The following SGCZ variants were observed in gnomAD, a reference collection of about 807,000 sequenced individuals.
The protein encoded by SGCZ is zeta-sarcoglycan.
A neutral mutation model predicts 41.3 loss-of-function variants in SGCZ; 40 were observed. That is an observed-to-expected ratio of 0.97 (90% CI 0.75 to 1.26). The LOEUF (loss-of-function observed/expected upper bound fraction) is 1.26, where lower values mean the gene tolerates loss of function less well. SGCZ is among the 50% of genes most tolerant of loss of function. SGCZ has a pLI of 0.00. For synonymous variants in SGCZ, 206 were observed against 137.5 expected, an observed-to-expected ratio of 1.50 and a Z score of -3.49; for missense variants, 552 against 369.8, an observed-to-expected ratio of 1.49 and a Z score of -4.04.
chr8:14,435,423 TA>T (rs2117350215), intron 2 of SGCZ, among the ~76,000 whole-genome samples: 1 of 152,314 alleles, frequency 6.6e-6, no homozygotes, highest in African/African-American at 2.4e-5. Context: ...GCATTAGTTT[TA>T]ATTGTTTACA....
At chr8:14,853,360 G>A (rs1321811348) in intron 1 of SGCZ, 2 of 464,586 alleles carry the variant, frequency 4.3e-6, no homozygotes, top group Non-Finnish European at 4.7e-6. Flanking sequence ...GGCCACTCCA[G>A]TCCACCAAAT....
Position 15,237,812 on chromosome 8 carries a change from T to C in SGCZ, c.-189A>G, listed in dbSNP as rs1021376758. ...AAGGAAAATAAATAAATAATAATGA[T>C]AATTCACTTTATTTTACTTCCTCAA... On this transcript the variant is annotated 5_prime_UTR_variant, in exon 1 of 8. Transcript: ENST00000382080. The C allele has an allele frequency of 1.6e-5, 9 of 570,214 alleles. No homozygotes were observed. The Admixed American group carries it at 2.6e-4, about 16-fold the overall frequency. The allele number at this position is 570,214 out of a possible 1,614,324, so 35.3% of individuals were successfully genotyped here.
chr8:14,367,809 G>A (rs984552072), intron 2 of SGCZ, among the ~76,000 whole-genome samples: 6 of 152,112 alleles, frequency 3.9e-5, no homozygotes, highest in South Asian at 2.1e-4. Context: ...GATATGGGTC[G>A]AGACACACTA....
chr8:15,162,389 A>C (rs1487526290), intron 1 of SGCZ, among the ~76,000 whole-genome samples: 1 of 152,168 alleles, frequency 6.6e-6, no homozygotes, highest in Non-Finnish European at 1.5e-5. Flanking sequence ...ATGGCATTTA[A>C]ATTTTAGACA....
intron 5 of SGCZ, among the ~76,000 whole-genome samples, chr8:14,115,021 A>G (rs1802481689): frequency 6.6e-6 from 1 of 152,006 alleles, no homozygotes; most frequent in Admixed American, 6.6e-5. Flanking sequence ...TACATAAATA[A>G]TCCATTTTCT....
At chr8:14,316,357 A>G (rs961213020) in intron 3 of SGCZ, among the ~76,000 whole-genome samples, 2 of 152,086 alleles carry the variant, frequency 1.3e-5, no homozygotes, top group Non-Finnish European at 2.9e-5. Context: ...CAATAATAAA[A>G]GAATACATCA....
intron 1 of SGCZ, among the ~76,000 whole-genome samples, chr8:14,743,503 T>C (rs894242364): frequency 2.0e-5 from 3 of 152,100 alleles, no homozygotes; most frequent in Non-Finnish European, 4.4e-5. Flanking sequence ...TTTTAAAATA[T>C]GAAGTAAATT....
chr8:14,776,374 C>T (rs1009437664), intron 1 of SGCZ, among the ~76,000 whole-genome samples: 3 of 152,094 alleles, frequency 2.0e-5, no homozygotes, highest in African/African-American at 7.2e-5. Flanking sequence ...CTCTTGCCTG[C>T]CACCATGTAA....
chr8:14,175,352 T>G (rs1585202162), intron 4 of SGCZ, among the ~76,000 whole-genome samples: 1 of 152,266 alleles, frequency 6.6e-6, no homozygotes, highest in Middle Eastern at 3.4e-3. Context: ...GAAGGAATTC[T>G]TTTTAATTAT....
chr8:14,347,715 C>G (rs1802940334), intron 2 of SGCZ, among the ~76,000 whole-genome samples: 1 of 151,706 alleles, frequency 6.6e-6, no homozygotes, highest in African/African-American at 2.4e-5. Context: ...ATTTAAAATA[C>G]TTACCATATG....
intron 1 of SGCZ, among the ~76,000 whole-genome samples, chr8:14,673,764 A>C (rs1342077287): frequency 6.6e-6 from 1 of 152,232 alleles, no homozygotes; most frequent in African/African-American, 2.4e-5. Flanking sequence ...AAAATGGAAG[A>C]AAAGAAAACC....
At chr8:14,620,955 T>C (rs1437540965) in intron 1 of SGCZ, among the ~76,000 whole-genome samples, 1 of 152,026 alleles carries the variant, frequency 6.6e-6, no homozygotes, top group Admixed American at 6.6e-5. Flanking sequence ...ACCCAAAGGA[T>C]TATAAATCAT....
chr8:14,660,319 C>T (rs1291558953), intron 1 of SGCZ, among the ~76,000 whole-genome samples: 1 of 151,918 alleles, frequency 6.6e-6, no homozygotes, highest in African/African-American at 2.4e-5. Flanking sequence ...TGCCCATAAT[C>T]CTAGCACTTT....
intron 3 of SGCZ, among the ~76,000 whole-genome samples, chr8:14,286,077 T>TG (rs1221224973): frequency 5.3e-5 from 8 of 151,848 alleles, no homozygotes; most frequent in Non-Finnish European, 1.0e-4. Context: ...AGTCAATGTA[T>TG]TTTGTTTTTT....
At chr8:15,144,162 T>G (rs1184260765) in intron 1 of SGCZ, among the ~76,000 whole-genome samples, 2 of 152,226 alleles carry the variant, frequency 1.3e-5, no homozygotes, top group East Asian at 1.9e-4. Context: ...CATTTTGAAG[T>G]TGGTGTAATA....
chr8:14,482,855 G>A (rs28489374), intron 2 of SGCZ, among the ~76,000 whole-genome samples: 1 of 151,776 alleles, frequency 6.6e-6, no homozygotes, highest in Non-Finnish European at 1.5e-5. Context: ...CTCATTCTCA[G>A]GCCTTCAGAC....
chr8:14,401,222 T>C lies in SGCZ; in HGVS notation c.235-77018A>G, dbSNP rs182930830. Among the ~76,000 whole-genome samples the C allele has an allele frequency of 2.0e-5, 3 of 152,216 alleles. No homozygotes were observed. The East Asian group carries it at 5.8e-4, about 29-fold the overall frequency. ...GCATTATGCATATCAATAAAACACA[T>C]AGGTCATAATCAATACTTAACTCAA... On this transcript the variant is annotated intron_variant, in intron 2 of 7. Transcript: ENST00000382080.
At position 14,712,788 on chromosome 8, in the gene SGCZ, C is replaced by T. The variant is rs73529206; in HGVS notation, c.40-157862G>A. Among the ~76,000 whole-genome samples, 384 of 152,190 alleles carry T rather than the reference C, an allele frequency of 2.5e-3. 3 individuals are homozygous for T. The highest frequency in any genetic ancestry group is 8.8e-3 in the African/African-American group (366 of 41,524). Reference sequence around the variant, plus strand: ...ATCTCTTCCTGTAAACTCTAGTAACCCTGTTTAAATATGTCCTTATTTTTT... The same window carrying T: ...ATCTCTTCCTGTAAACTCTAGTAACTCTGTTTAAATATGTCCTTATTTTTT... On this transcript the variant is annotated intron_variant, in intron 1 of 7. Transcript: ENST00000382080.
At chr8:15,222,567 G>C (rs768060538) in intron 1 of SGCZ, among the ~76,000 whole-genome samples, 1 of 152,164 alleles carries the variant, frequency 6.6e-6, no homozygotes, top group African/African-American at 2.4e-5. Context: ...GTCTATCAGA[G>C]AATTAGAAGG....
Sources: gnomAD v4.1 joint callset for allele counts (sites outside exome capture counted in the v4.1 genomes callset) on GRCh38, gnomAD v4.1.1 for gene constraint, MANE v1.5 for transcripts, NCBI Gene and HGNC (gene_info 2026-07-23, HGNC 2026-07-21) for gene names.